DNAH11: variants seen among roughly 807,000 people sequenced by gnomAD.
DNAH11 encodes the protein axonemal beta dynein heavy chain 11.
DNAH11 carries 442 observed loss-of-function variants against 526.0 expected under a neutral mutation model. The ratio of observed to expected loss-of-function variants is 0.84; its 90% CI spans 0.78 to 0.91. The LOEUF is 0.91. Among genes scored for constraint, DNAH11 ranks in the 40% least tolerant of loss-of-function variants. The probability of loss-of-function intolerance (pLI) is 0.00; values close to 1 mark genes in which losing one functional copy is unlikely to be tolerated. For missense variants in DNAH11, 6,989 were observed against 5,448.7 expected (o/e 1.28, Z -8.90); for synonymous variants, 2,461 against 1,935.9 (o/e 1.27, Z -7.12).
At chr7:21,638,327 C>T (rs994512129) in intron 27 of DNAH11, among the ~76,000 whole-genome samples, 3 of 152,180 alleles carry the variant, frequency 2.0e-5, no homozygotes, top group African/African-American at 7.2e-5. Context: ...GTTTTATAGT[C>T]TGAAAGTTTT....
chr7:21,589,321 A>C lies in DNAH11; in HGVS notation c.2087A>C (p.Glu696Ala). The C allele has an allele frequency of 6.2e-7, 1 of 1,610,912 alleles. No homozygotes were observed. Among genetic ancestry groups the C allele is most frequent in the Non-Finnish European group, 8.5e-7 (1 of 1,178,772 alleles). ...AATGAATGGAAAAGTAATGTGGATG[A>C]AATCTGTGAATTCAATTTGAATCAA... ...IYNEWKSNVDEICEFNLNQPL... is the reference protein window; with the variant it reads ...IYNEWKSNVDAICEFNLNQPL... The change falls in exon 12 of 82, where the codon GAA becomes GCA. Residue 696 changes from glutamate to alanine, a missense_variant. Transcript: ENST00000409508.
Position 21,868,857 on chromosome 7 carries a change from C to G in DNAH11, c.11840-7C>G. On this transcript the variant is annotated splice_region_variant and splice_polypyrimidine_tract_variant and intron_variant, in intron 72 of 81. Transcript: ENST00000409508. Reference sequence around the variant, plus strand: ...ATTTCCTCTCACCGTGGTGTATTCTCCCACAGGCAAAAGACTTGGCTTTAC... The same window carrying G: ...ATTTCCTCTCACCGTGGTGTATTCTGCCACAGGCAAAAGACTTGGCTTTAC... The G allele has an allele frequency of 2.5e-6, 4 of 1,613,908 alleles. No homozygotes were observed. The highest frequency in any genetic ancestry group is 3.4e-6 in the Non-Finnish European group (4 of 1,179,856).
chr7:21,651,200 G>A (rs1781750913), intron 28 of DNAH11, among the ~76,000 whole-genome samples: 1 of 152,082 alleles, frequency 6.6e-6, no homozygotes, highest in South Asian at 2.1e-4. Flanking sequence ...AGGCAGGAGT[G>A]GCACTAGGCT....
chr7:21,867,614 C>G (rs1253117960), intron 71 of DNAH11, among the ~76,000 whole-genome samples: 1 of 152,158 alleles, frequency 6.6e-6, no homozygotes, highest in Admixed American at 6.5e-5. Flanking sequence ...TCAGGGGGGT[C>G]TCAGTAGCCC....
chr7:21,572,607 A>G (rs1374891276), intron 8 of DNAH11, among the ~76,000 whole-genome samples: 1 of 152,204 alleles, frequency 6.6e-6, no homozygotes, highest in Non-Finnish European at 1.5e-5. Context: ...CAAGTCCAAA[A>G]GAATGAAGAT....
At chr7:21,792,085 G>A (rs1467809201) in intron 61 of DNAH11, among the ~76,000 whole-genome samples, 2 of 152,272 alleles carry the variant, frequency 1.3e-5, no homozygotes, top group African/African-American at 4.8e-5. Flanking sequence ...GTTGAGGTAT[G>A]TGCCTTCCAT....
chr7:21,834,610 G>A lies in DNAH11; in HGVS notation c.10692-7934G>A, dbSNP rs577321611. Among the ~76,000 whole-genome samples, 5 of 152,202 alleles carry A rather than the reference G, an allele frequency of 3.3e-5. 1 individual carries two copies. Among genetic ancestry groups the A allele is most frequent in the South Asian group, 4.2e-4 (2 of 4,818 alleles). ...CACTTTGGGAGGCCAAGGCAGGAGC[G>A]TCGCTTGAGGACAGGAGTTTGAGAT... On this transcript the variant is annotated intron_variant, in intron 65 of 81. Transcript: ENST00000409508.
intron 25 of DNAH11, among the ~76,000 whole-genome samples, chr7:21,622,408 A>G (rs1004115598): frequency 5.3e-5 from 8 of 152,170 alleles, no homozygotes; most frequent in African/African-American, 1.2e-4. Context: ...AGTAATTTAT[A>G]GATTCAATGC....
chr7:21,683,869 G>T lies in DNAH11; in HGVS notation c.5546G>T (p.Cys1849Phe). The T allele has an allele frequency of 6.2e-7, 1 of 1,613,720 alleles. No individual in the cohort carries two copies. Among genetic ancestry groups the T allele is most frequent in the Non-Finnish European group, 8.5e-7 (1 of 1,179,734 alleles). ...DTQKHCFVNICDAQFQYFYEY... is the reference protein window; with the variant it reads ...DTQKHCFVNIFDAQFQYFYEY... ...CAGAAACACTGCTTTGTTAATATTT[G>T]TGATGCCCAGTTCCAGTACTTCTAT... is the stretch of plus-strand genomic sequence containing the variant. The change falls in exon 32 of 82, where the codon TGT becomes TTT. Residue 1849 changes from cysteine (C) to phenylalanine (F), a missense_variant. Cys to Phe is a radical substitution (Grantham distance 205, BLOSUM62 -2). Coordinates refer to ENST00000409508, the MANE Select transcript of DNAH11 (RefSeq NM_001277115.2).
In DNAH11 at chr7:21,600,786, C is replaced by T. The variant is rs762093164; in HGVS notation, c.3111C>T (p.His1037=). The change falls in exon 16 of 82, where the codon CAC becomes CAT. Residue 1037 remains histidine (H), a synonymous_variant. Coordinates refer to ENST00000409508, the MANE Select transcript of DNAH11 (RefSeq NM_001277115.2). ...ATTTCAGAAACACCCTGGAGACCCACACTTACCTCTGGGTGGATGATCGAG... is the reference window on the plus strand; with the variant it reads ...ATTTCAGAAACACCCTGGAGACCCATACTTACCTCTGGGTGGATGATCGAG... The part of the protein sequence containing the change: ...VLDFRNTLET[H]TYLWVDDRAE... 1.7e-5 allele frequency: 28 copies of T among 1,613,714 alleles called. No homozygotes were observed. The African/African-American group carries it at 1.7e-4, about 10-fold the overall frequency.
chr7:21,668,858 A>G (rs1011787614), intron 30 of DNAH11, among the ~76,000 whole-genome samples: 1 of 152,170 alleles, frequency 6.6e-6, no homozygotes, highest in Non-Finnish European at 1.5e-5. Context: ...CCTAAAAGTG[A>G]AATTGCTGGA....
rs1307076266 is a variant in DNAH11 at position 21,543,773 on chromosome 7, T to TTCAGCAG, written c.351+178_351+184dup. ...CTCCCCACGTGCACCCACTCTGCAGTTCAGCAGCTGCAGGTTAGTTTCCTA... is the reference window on the plus strand; with the variant it reads ...CTCCCCACGTGCACCCACTCTGCAGTTCAGCAGTCAGCAGCTGCAGGTTAGTTTCCTA... On this transcript the variant is annotated intron_variant, in intron 1 of 81. Transcript: ENST00000409508. 5 of 637,406 alleles carry TTCAGCAG rather than the reference T, an allele frequency of 7.8e-6. No individual in the cohort carries two copies. In the African/African-American group the frequency reaches 9.2e-5, roughly 12 times the overall value. 39.5% of individuals were successfully genotyped at this position (637,406 alleles called of 1,614,324 possible).
chr7:21,871,284 A>C (rs762543221), intron 73 of DNAH11, among the ~76,000 whole-genome samples: 1 of 152,236 alleles, frequency 6.6e-6, no homozygotes, highest in Non-Finnish European at 1.5e-5. Flanking sequence ...GGGCAAAATG[A>C]CCATTTTTCA....
intron 25 of DNAH11, among the ~76,000 whole-genome samples, chr7:21,621,092 G>T (rs941709744): frequency 6.6e-6 from 1 of 152,022 alleles, no homozygotes; most frequent in African/African-American, 2.4e-5. Context: ...TAATGGGATG[G>T]CTGGGTCAAA....
intron 68 of DNAH11, among the ~76,000 whole-genome samples, chr7:21,856,906 G>A (rs554343582): frequency 4.6e-5 from 7 of 152,042 alleles, no homozygotes; most frequent in Admixed American, 1.3e-4. Context: ...AATGCTTTTC[G>A]CTAAAATCAG....
At chr7:21,584,958 G>T (rs1047967763) in intron 9 of DNAH11, among the ~76,000 whole-genome samples, 1 of 151,734 alleles carries the variant, frequency 6.6e-6, no homozygotes, top group African/African-American at 2.4e-5. Flanking sequence ...TAAAAAAAAT[G>T]TAGAGTGAAA....
At chr7:21,854,240 T>A in intron 67 of DNAH11, 75 bp from the exon 68 acceptor site, 1 of 1,509,532 alleles carries the variant, frequency 6.6e-7, no homozygotes, top group South Asian at 1.3e-5. Context: ...TTCAGGTACG[T>A]CCTTCCATTC....
chr7:21,775,922 T>G (rs539689591), intron 56 of DNAH11, among the ~76,000 whole-genome samples: 1 of 152,184 alleles, frequency 6.6e-6, no homozygotes, highest in Non-Finnish European at 1.5e-5. Flanking sequence ...CTTTCAATAC[T>G]GTGGGGGCAT....
At chr7:21,659,217 G>A (rs1252492314) in intron 30 of DNAH11, among the ~76,000 whole-genome samples, 186 bp downstream of exon 30, 1 of 149,346 alleles carries the variant, frequency 6.7e-6, no homozygotes, top group East Asian at 2.0e-4. Context: ...TTTCTTTATG[G>A]GTTTTTAAAA....
Sources: allele counts gnomAD v4.1 joint callset (sites outside exome capture counted in the v4.1 genomes callset), GRCh38; gene constraint gnomAD v4.1.1; transcripts MANE v1.5; gene names NCBI Gene and HGNC (gene_info 2026-07-23, HGNC 2026-07-21).